OCA2: variants seen among roughly 807,000 people sequenced by gnomAD.
OCA2 encodes the protein OCA2 melanosomal transmembrane protein, also known as P protein.
In OCA2, 77 loss-of-function variants were observed where a neutral mutation model predicts 100.2. That is an observed-to-expected ratio of 0.77 (90% CI 0.64 to 0.93). The LOEUF (loss-of-function observed/expected upper bound fraction) is 0.93, where lower values mean the gene tolerates loss of function less well. OCA2 is among the 40% of genes least tolerant of loss of function. OCA2 has a pLI of 0.00. For synonymous variants in OCA2, 432 were observed against 439.2 expected (o/e 0.98, Z 0.21); for missense variants, 1,062 against 1,089.1 (o/e 0.98, Z 0.35).
At chr15:27,908,447 A>G (rs2703923) in intron 19 of OCA2, among the ~76,000 whole-genome samples, 96,238 of 152,004 alleles carry the variant, frequency 0.63, 31,096 homozygotes, top group East Asian at 0.96. Context: ...TATTTAATAG[A>G]GAAATACTAA....
At chr15:27,978,340 C>A (rs1272563497) in intron 14 of OCA2, among the ~76,000 whole-genome samples, 4 of 152,092 alleles carry the variant, frequency 2.6e-5, no homozygotes, top group Admixed American at 6.5e-5. Flanking sequence ...TTTTCTATAT[C>A]CTTGTAGATT....
intron 1 of OCA2, 104 bp from the exon 2 acceptor site, chr15:28,081,999 TC>T: frequency 1.1e-6 from 1 of 935,226 alleles, no homozygotes; most frequent in Non-Finnish European, 1.7e-6. Flanking sequence ...TCGGAGGCGG[TC>T]CCAGAGTTCC....
chr15:27,722,798 C>T, the OCA2 span, among the ~76,000 whole-genome samples: 2 of 94,150 alleles, frequency 2.1e-5, no homozygotes, highest in African/African-American at 6.4e-5. Flanking sequence ...CTCTCTCTCT[C>T]TCTTTCTCTC....
At chr15:28,059,082 C>T (rs866039399) in intron 2 of OCA2, among the ~76,000 whole-genome samples, 1 of 152,226 alleles carries the variant, frequency 6.6e-6, no homozygotes, top group Non-Finnish European at 1.5e-5. Flanking sequence ...ACCAAATGCA[C>T]CTCACTGCTT....
chr15:27,814,933 TAG>T (rs1566985813), intron 23 of OCA2, among the ~76,000 whole-genome samples: 3 of 138,304 alleles, frequency 2.2e-5, no homozygotes, highest in South Asian at 2.3e-4. Context: ...GATAGATAGA[TAG>T]ATAGATAGAT....
intron 9 of OCA2, among the ~76,000 whole-genome samples, chr15:28,007,893 C>T (rs557993512): frequency 3.1e-4 from 47 of 152,306 alleles, no homozygotes; most frequent in African/African-American, 1.1e-3. Context: ...GGAACCCTGG[C>T]TGATCCTTTG....
intron 14 of OCA2, 79 bp from the exon 15 acceptor site, chr15:27,966,901 G>C: frequency 6.7e-7 from 1 of 1,494,272 alleles, no homozygotes; most frequent in Non-Finnish European, 9.1e-7. Flanking sequence ...TTTCCGAGGT[G>C]GGTGGATCAC....
At chr15:28,051,063 C>T (rs976541446) in intron 2 of OCA2, among the ~76,000 whole-genome samples, 3 of 152,190 alleles carry the variant, frequency 2.0e-5, no homozygotes, top group Non-Finnish European at 2.9e-5. Flanking sequence ...GAGGGTGGAT[C>T]CTGCCTGGAG....
chr15:27,886,673 A>T (rs2037236359), intron 19 of OCA2, among the ~76,000 whole-genome samples: 1 of 152,196 alleles, frequency 6.6e-6, no homozygotes, highest in Admixed American at 6.5e-5. Flanking sequence ...AGGTCCAATT[A>T]TATGTTCTCT....
At chr15:28,082,622 A>C (rs1182820319) in intron 1 of OCA2, among the ~76,000 whole-genome samples, 3 of 152,156 alleles carry the variant, frequency 2.0e-5, no homozygotes, top group Non-Finnish European at 4.4e-5. Flanking sequence ...TGGATGTGTA[A>C]AGAATAAGGA....
At position 27,850,236 on chromosome 15, in the gene OCA2, G is replaced by T. The variant is rs140877497; in HGVS notation, c.2338+1146C>A. 8.9e-4 allele frequency among the ~76,000 whole-genome samples: 136 copies of T among 152,182 alleles called. 2 individuals are homozygous for T. The East Asian group carries it at 0.025, about 28-fold the overall frequency. On this transcript the variant is annotated intron_variant, in intron 22 of 23. Coordinates refer to ENST00000354638, the MANE Select transcript of OCA2 (RefSeq NM_000275.3). ...CTCCGATGTCTCCAGTCTCTCCTCA[G>T]GGCCCTGTGCACTCAGGGCACACCA...
At chr15:28,082,539 G>A (rs2141909008) in intron 1 of OCA2, among the ~76,000 whole-genome samples, 1 of 152,350 alleles carries the variant, frequency 6.6e-6, no homozygotes, top group Admixed American at 6.5e-5. Context: ...AGATTGTGAT[G>A]TGTGCACAGC....
rs199752361 is a variant in OCA2, at chr15:28,081,846, C to T, written c.29G>A (p.Arg10Gln). Residue 10 changes from arginine to glutamine, a missense_variant, in exon 2 of 24, where the codon CGG (arginine) becomes CAG (glutamine). Coordinates refer to ENST00000354638, the MANE Select transcript of OCA2 (RefSeq NM_000275.3). MHLEGRDGR[R>Q]YPGAPAVELL... ...CTCCACCGCCGGCGCGCCGGGGTAC[C>T]GCCTGCCGTCTCTGCCCTCCAGATG... The T allele has an allele frequency of 4.4e-4, 715 of 1,611,320 alleles. No individual in the cohort carries two copies. Among genetic ancestry groups the T allele is most frequent in the Non-Finnish European group, 5.7e-4 (675 of 1,179,698 alleles).
intron 9 of OCA2, 138 bp from the exon 10 acceptor site, chr15:27,990,785 T>C (rs917546598): frequency 1.3e-6 from 1 of 794,664 alleles, no homozygotes; most frequent in Admixed American, 1.9e-5. Flanking sequence ...TGGGTCTTGA[T>C]GTTTCAGGCC....
intron 4 of OCA2, among the ~76,000 whole-genome samples, chr15:28,027,468 A>G (rs1253202429): frequency 6.6e-6 from 1 of 152,140 alleles, no homozygotes; most frequent in Admixed American, 6.5e-5. Flanking sequence ...ACAGAAGGGA[A>G]CCCCACCCCT....
chr15:27,931,649 T>A (rs201567894), intron 18 of OCA2, among the ~76,000 whole-genome samples: 1 of 70,642 alleles, frequency 1.4e-5, no homozygotes, highest in African/African-American at 6.6e-5. Context: ...ACCTTGCATT[T>A]AAAAAAAAAA....
At chr15:27,723,061 T>C in the OCA2 span, among the ~76,000 whole-genome samples, 2 of 152,094 alleles carry the variant, frequency 1.3e-5, no homozygotes, top group East Asian at 3.9e-4. Context: ...CAGGCTGGTC[T>C]CAAACTACTG....
intron 1 of OCA2, among the ~76,000 whole-genome samples, chr15:28,087,666 G>C (rs1463998418): frequency 6.6e-6 from 1 of 152,194 alleles, no homozygotes; most frequent in African/African-American, 2.4e-5. Flanking sequence ...AGAATCACCT[G>C]AGCCAGGAAA....
chr15:27,879,612 A>AT (rs1304182467), intron 19 of OCA2, among the ~76,000 whole-genome samples: 1 of 151,754 alleles, frequency 6.6e-6, no homozygotes, highest in Admixed American at 6.6e-5. Flanking sequence ...TGATGTTGAG[A>AT]TTTTTTTCTT....
Sources: allele counts gnomAD v4.1 joint callset (sites outside exome capture counted in the v4.1 genomes callset), GRCh38; gene constraint gnomAD v4.1.1; transcripts MANE v1.5; gene names NCBI Gene and HGNC (gene_info 2026-07-23, HGNC 2026-07-21).